The following DOCK1 variants were observed in gnomAD, a reference collection of about 807,000 sequenced individuals.
DOCK1 encodes the protein dedicator of cytokinesis protein 1.
Under a neutral mutation model 262.7 loss-of-function variants are expected in DOCK1, and 138 were observed. That is an observed-to-expected ratio of 0.53 (90% CI 0.46 to 0.61). The LOEUF is 0.61. Among genes scored for constraint, DOCK1 ranks in the 20% least tolerant of loss-of-function variants. The pLI, the probability that DOCK1 is intolerant of heterozygous loss-of-function variation, is 0.00. For synonymous variants in DOCK1, 866 were observed against 867.4 expected, an observed-to-expected ratio of 1.00 and a Z score of 0.03; for missense variants, 1,908 against 2,370.7, an observed-to-expected ratio of 0.80 and a Z score of 4.05.
intron 29 of DOCK1, among the ~76,000 whole-genome samples, chr10:127,321,832 G>A (rs2062544858): frequency 6.6e-6 from 1 of 152,098 alleles, no homozygotes; most frequent in African/African-American, 2.4e-5. Flanking sequence ...GCTGGGCGCA[G>A]TGGCTCACAC....
chr10:127,030,663 G>C (rs1378893634), intron 16 of DOCK1, among the ~76,000 whole-genome samples: 1 of 152,106 alleles, frequency 6.6e-6, no homozygotes, highest in African/African-American at 2.4e-5. Context: ...GTACCTGTTG[G>C]GCACCAGGCT....
At chr10:126,952,922 T>C (rs1372162793) in intron 1 of DOCK1, among the ~76,000 whole-genome samples, 1 of 148,888 alleles carries the variant, frequency 6.7e-6, no homozygotes, top group African/African-American at 2.5e-5. Flanking sequence ...AGTATTGTTA[T>C]TGTTGGTAGT....
At chr10:126,951,884 T>C (rs997206599) in intron 1 of DOCK1, among the ~76,000 whole-genome samples, 4,821 of 148,362 alleles carry the variant, frequency 0.032, 296 homozygotes, top group African/African-American at 0.11. Context: ...AGTTTCACTA[T>C]TGTCACCCAG....
At chr10:127,432,308 G>T (rs1382384467) in intron 47 of DOCK1, among the ~76,000 whole-genome samples, 3 of 152,120 alleles carry the variant, frequency 2.0e-5, no homozygotes, top group Non-Finnish European at 4.4e-5. Flanking sequence ...TTTCAGAAGG[G>T]GAAGTGGCGT....
In DOCK1 at chr10:127,381,484, A is replaced by G. The variant is rs188810032; in HGVS notation, c.3807+116A>G. The G allele has an allele frequency of 5.9e-5, 48 of 816,986 alleles. No homozygotes were observed. In the African/African-American group the frequency reaches 8.2e-4, roughly 14 times the overall value. 50.6% of individuals were successfully genotyped at this position (816,986 alleles called of 1,614,324 possible). A position where few individuals can be genotyped will look rare whatever the true frequency, so the allele number is the denominator to read the frequency against. ...GGCCTATAACTTAAGGTTTTATGAA[A>G]TTGACTAAATAAATGCAAGGATATG... On this transcript the variant is annotated intron_variant, in intron 37 of 51. Coordinates refer to ENST00000623213, the MANE Select transcript of DOCK1 (RefSeq NM_001290223.2).
At chr10:127,166,098 C>G (rs1243385740) in intron 27 of DOCK1, among the ~76,000 whole-genome samples, 1 of 152,030 alleles carries the variant, frequency 6.6e-6, no homozygotes, top group Non-Finnish European at 1.5e-5. Context: ...CAGAGTCTCG[C>G]TCTGTAGCGT....
At chr10:127,049,648 TAAAA>T (rs1452591327) in intron 21 of DOCK1, among the ~76,000 whole-genome samples, 3 of 152,046 alleles carry the variant, frequency 2.0e-5, no homozygotes, top group Non-Finnish European at 4.4e-5. Flanking sequence ...TATTGAAAAA[TAAAA>T]TATTGCTTGA....
In DOCK1 at chr10:126,927,079, T is replaced by C. The variant is rs139993735; in HGVS notation, c.46+21516T>C. On this transcript the variant is annotated intron_variant, in intron 1 of 51. Transcript: ENST00000623213. ...CACTTCAGACCATTGGCGCCCTGCATCTTGTCTTATCTCCAGTCATTGAGG... is the reference window on the plus strand; with the variant it reads ...CACTTCAGACCATTGGCGCCCTGCACCTTGTCTTATCTCCAGTCATTGAGG... Among the ~76,000 whole-genome samples the C allele has an allele frequency of 8.8e-4, 134 of 152,306 alleles. 2 individuals are homozygous for C. The East Asian group carries it at 0.025, about 28-fold the overall frequency.
intron 27 of DOCK1, among the ~76,000 whole-genome samples, chr10:127,188,744 G>T (rs956181969): frequency 1.3e-5 from 2 of 152,214 alleles, no homozygotes; most frequent in Non-Finnish European, 2.9e-5. Context: ...ATCAGAAAAG[G>T]TAACACTTGT....
intron 23 of DOCK1, among the ~76,000 whole-genome samples, chr10:127,098,859 C>T (rs1412023451): frequency 1.1e-4 from 17 of 152,078 alleles, no homozygotes; most frequent in Admixed American, 1.1e-3. Flanking sequence ...TGTTTCCACT[C>T]GAAAGAGACC....
At chr10:127,429,051 G>A (rs1591022889) in intron 47 of DOCK1, among the ~76,000 whole-genome samples, 1 of 149,308 alleles carries the variant, frequency 6.7e-6, no homozygotes, top group Middle Eastern at 3.5e-3. Context: ...CATGTGGATT[G>A]GGGTGCTGTG....
chr10:127,434,955 G>T (rs766358413), intron 48 of DOCK1, among the ~76,000 whole-genome samples: 1 of 152,026 alleles, frequency 6.6e-6, no homozygotes, highest in African/African-American at 2.4e-5. Context: ...CCTGGCCAAC[G>T]TCCACTTTCT....
chr10:127,063,021 G>C (rs945302950), intron 23 of DOCK1, among the ~76,000 whole-genome samples: 1 of 152,156 alleles, frequency 6.6e-6, no homozygotes, highest in Non-Finnish European at 1.5e-5. Flanking sequence ...TGGAGCAGCC[G>C]CAGGACCCCC....
intron 29 of DOCK1, among the ~76,000 whole-genome samples, chr10:127,337,903 A>ACAGCG: frequency 1.3e-5 from 2 of 152,054 alleles, no homozygotes; most frequent in Non-Finnish European, 2.9e-5. Context: ...GATGGGCGGG[A>ACAGCG]GGTGGTGGTG....
chr10:127,396,226 C>A (rs57067388), intron 38 of DOCK1, among the ~76,000 whole-genome samples: 4 of 118,082 alleles, frequency 3.4e-5, no homozygotes, highest in Admixed American at 1.6e-4. Context: ...TGGGCCAGTT[C>A]ACAGCTGCAG....
At position 127,258,314 on chromosome 10, in the gene DOCK1, G is replaced by A. The variant is rs78249721; in HGVS notation, c.3044+885G>A. ...CTCTCCCCTCCCCACTCCACCATCC[G>A]TAAGCTCTCTCGACCACTCATTCGT... On this transcript the variant is annotated intron_variant, in intron 29 of 51. Transcript: ENST00000623213. Among the ~76,000 whole-genome samples the A allele has an allele frequency of 1.5e-3, 223 of 151,984 alleles. 1 individual carries two copies. The highest frequency in any genetic ancestry group is 4.5e-3 in the African/African-American group (187 of 41,434).
chr10:127,156,298 T>A (rs1303136023), intron 27 of DOCK1, among the ~76,000 whole-genome samples: 1 of 152,094 alleles, frequency 6.6e-6, no homozygotes, highest in Non-Finnish European at 1.5e-5. Context: ...CAGGATCTCA[T>A]TATTCTTAGG....
intron 1 of DOCK1, among the ~76,000 whole-genome samples, chr10:126,949,385 C>G (rs1014979444): frequency 1.3e-5 from 2 of 152,112 alleles, no homozygotes; most frequent in Non-Finnish European, 2.9e-5. Flanking sequence ...TTTCGGCTCC[C>G]ACGTGTCCCT....
intron 33 of DOCK1, among the ~76,000 whole-genome samples, chr10:127,365,953 G>A (rs987170167): frequency 2.0e-5 from 3 of 152,166 alleles, no homozygotes; most frequent in Admixed American, 6.5e-5. Context: ...AAACCAAATT[G>A]TTTTTGAGTA....
Sources: gnomAD v4.1 joint callset for allele counts (sites outside exome capture counted in the v4.1 genomes callset) on GRCh38, gnomAD v4.1.1 for gene constraint, MANE v1.5 for transcripts, NCBI Gene and HGNC (gene_info 2026-07-23, HGNC 2026-07-21) for gene names.